CEP250: variants seen among roughly 807,000 people sequenced by gnomAD.
The protein encoded by CEP250 is centrosome-associated protein CEP250.
Under a neutral mutation model 315.7 loss-of-function variants are expected in CEP250, and 242 were observed. The observed-to-expected ratio is 0.77, with a 90% confidence interval of 0.69 to 0.85. CEP250 has a LOEUF of 0.85. Among genes scored for constraint, CEP250 ranks in the 40% least tolerant of loss-of-function variants. The probability of loss-of-function intolerance (pLI) is 0.00; values close to 1 mark genes in which losing one functional copy is unlikely to be tolerated. For synonymous variants in CEP250, 1,088 were observed against 1,175.0 expected, an observed-to-expected ratio of 0.93 and a Z score of 1.51; for missense variants, 2,515 against 2,886.4, an observed-to-expected ratio of 0.87 and a Z score of 2.95.
intron 20 of CEP250, among the ~76,000 whole-genome samples, chr20:35,489,408 G>A (rs528537942): frequency 6.6e-6 from 1 of 152,356 alleles, no homozygotes; most frequent in East Asian, 1.9e-4. Context: ...TGGCTGTTGT[G>A]TATTGCCCGC....
intron 22 of CEP250, among the ~76,000 whole-genome samples, chr20:35,492,738 ATTTG>A (rs1220305059): frequency 6.6e-6 from 1 of 152,090 alleles, no homozygotes; most frequent in Non-Finnish European, 1.5e-5. Context: ...GTATGTATGT[ATTTG>A]TTTGAGACTG....
At chr20:35,468,869 G>T (rs2062956440) in intron 9 of CEP250, among the ~76,000 whole-genome samples, 1 of 152,012 alleles carries the variant, frequency 6.6e-6, no homozygotes, top group East Asian at 1.9e-4. Flanking sequence ...TAGAGACGGG[G>T]TCTCACTATG....
rs142356821 is a variant in CEP250 at position 35,456,044 on chromosome 20, C to T, written c.-298+293C>T. On this transcript the variant is annotated intron_variant, in intron 1 of 34. Transcript: ENST00000397527. ...CCAAGTAGCTGGGATTGCAGGCATG[C>T]GCCACCACACCCGGCTAATTTTATG... Among the ~76,000 whole-genome samples, 9 of 152,154 alleles carry T rather than the reference C, an allele frequency of 5.9e-5. 1 individual carries two copies. The highest frequency in any genetic ancestry group is 5.9e-4 in the Admixed American group (9 of 15,294).
intron 20 of CEP250, among the ~76,000 whole-genome samples, chr20:35,483,089 G>T (rs1214908454): frequency 1.3e-5 from 2 of 151,854 alleles, no homozygotes; most frequent in Non-Finnish European, 2.9e-5. Context: ...GGGAGGCTGA[G>T]GTGGGCGGAT....
chr20:35,492,565 G>A (rs550160848), intron 22 of CEP250, among the ~76,000 whole-genome samples: 1 of 152,326 alleles, frequency 6.6e-6, no homozygotes, highest in South Asian at 2.1e-4. Context: ...AAGGGCCCTG[G>A]GACACAGAAG....
intron 32 of CEP250, 112 bp downstream of exon 32, chr20:35,508,302 C>T: frequency 1.7e-6 from 2 of 1,189,682 alleles, no homozygotes; most frequent in Admixed American, 4.5e-5. Context: ...CTGCCTGTTT[C>T]TGAAAATTAA....
intron 20 of CEP250, among the ~76,000 whole-genome samples, chr20:35,488,183 G>A (rs2063572930): frequency 6.6e-6 from 1 of 152,234 alleles, no homozygotes; most frequent in African/African-American, 2.4e-5. Context: ...AGCTCTTCTT[G>A]TAGCTATAAC....
chr20:35,493,762 G>A (rs1052408479), intron 23 of CEP250, among the ~76,000 whole-genome samples, 190 bp downstream of exon 23: 2 of 152,118 alleles, frequency 1.3e-5, no homozygotes, highest in Non-Finnish European at 2.9e-5. Context: ...AGAGCCCTGG[G>A]ATAGTAATCT....
In CEP250 at chr20:35,504,639, G is replaced by C. The variant is rs751323505; in HGVS notation, c.6270G>C (p.Arg2090Ser). 1.1e-5 allele frequency: 17 copies of C among 1,613,982 alleles called. No homozygotes were observed. In the Admixed American group the frequency reaches 2.0e-4, roughly 19 times the overall value. The change falls in exon 30 of 35, where the codon AGG (arginine) becomes AGC (serine). Residue 2090 changes from arginine (R) to serine (S), a missense_variant. By Grantham distance (110) the Arg-to-Ser change is moderately radical. Coordinates refer to ENST00000397527, the MANE Select transcript of CEP250 (RefSeq NM_007186.6). ...AAGAGAGAGAAGAGGAGGAGATAAG[G>C]GGCCTTCATCAGAGTGTAAGGGAGC... ...LGQEREEEEI[R>S]GLHQSVRELQ...
At chr20:35,488,327 C>T (rs950744827) in intron 20 of CEP250, among the ~76,000 whole-genome samples, 5 of 152,190 alleles carry the variant, frequency 3.3e-5, no homozygotes, top group Admixed American at 2.0e-4. Flanking sequence ...TGAGCTATAC[C>T]CGCTGTCTTT....
intron 5 of CEP250, among the ~76,000 whole-genome samples, chr20:35,464,946 C>T (rs1352336300): frequency 1.3e-5 from 2 of 151,960 alleles, no homozygotes; most frequent in African/African-American, 2.4e-5. Context: ...AAGAAAACGT[C>T]GTAAGTTGAA....
intron 3 of CEP250, among the ~76,000 whole-genome samples, chr20:35,461,313 T>C (rs1485194540): frequency 6.6e-6 from 1 of 152,226 alleles, no homozygotes; most frequent in Non-Finnish European, 1.5e-5. Flanking sequence ...GAGGTCATGA[T>C]ACCCTCATTT....
intron 28 of CEP250, 146 bp from the exon 29 acceptor site, chr20:35,501,698 TC>T (rs2064008238): frequency 1.1e-6 from 1 of 877,094 alleles, no homozygotes; most frequent in Non-Finnish European, 1.7e-6. Context: ...CCTTGATATC[TC>T]TAGGACACTG....
At position 35,497,729 on chromosome 20, in the gene CEP250, T is replaced by G. The variant is rs574203463; in HGVS notation, c.3317T>G (p.Leu1106Arg). Residue 1106 changes from leucine (L) to arginine (R), a missense_variant, in exon 26 of 35, where the codon CTA (leucine) becomes CGA (arginine). Transcript: ENST00000397527. ...ATTCTTCCTTGACAGATGGAATTAC[T>G]AAGGCAAGAGGTGAAGGAAAAGGAG... Reference protein sequence around the residue: ...QKELSAQMELLRQEVKEKEAD... With the variant: ...QKELSAQMELRRQEVKEKEAD... The G allele has an allele frequency of 1.3e-6, 2 of 1,547,878 alleles. 1 individual carries two copies. Among genetic ancestry groups the G allele is most frequent in the African/African-American group, 2.7e-5 (2 of 72,900 alleles).
chr20:35,504,146 A>G lies in CEP250; in HGVS notation c.5777A>G (p.Asp1926Gly). 6.2e-7 allele frequency: 1 copy of G among 1,614,082 alleles called. No individual in the cohort carries two copies. The highest frequency in any genetic ancestry group is 8.5e-7 in the Non-Finnish European group (1 of 1,179,980). ...GAGGTGGAGACCAGGGCCCTGCAGGACAGCTGGCTGCAGGCCCAGGCAGTG... is the reference window on the plus strand; with the variant it reads ...GAGGTGGAGACCAGGGCCCTGCAGGGCAGCTGGCTGCAGGCCCAGGCAGTG... ...EHEVETRALQDSWLQAQAVLK... is the reference protein window; with the variant it reads ...EHEVETRALQGSWLQAQAVLK... The change falls in exon 30 of 35, where the codon GAC becomes GGC. Residue 1926 changes from aspartate (D) to glycine (G), a missense_variant. Transcript: ENST00000397527.
chr20:35,504,433 C>G lies in CEP250; in HGVS notation c.6064C>G (p.Gln2022Glu), dbSNP rs780023881. The part of the protein sequence containing the change: ...SRQLEEALRI[Q>E]EGEIQDQDLR... ...GCAGCTGGAGGAGGCTCTGAGGATACAAGAAGGTGAGATCCAGGACCAGGA... is the reference window on the plus strand; with the variant it reads ...GCAGCTGGAGGAGGCTCTGAGGATAGAAGAAGGTGAGATCCAGGACCAGGA... The change falls in exon 30 of 35, where the codon CAA becomes GAA. Residue 2022 changes from glutamine (Q) to glutamate (E), a missense_variant. Gln to Glu is a conservative substitution (Grantham distance 29). Coordinates refer to ENST00000397527, the MANE Select transcript of CEP250 (RefSeq NM_007186.6). 5.0e-6 allele frequency: 8 copies of G among 1,610,568 alleles called. No individual in the cohort carries two copies. The South Asian group carries it at 7.8e-5, about 16-fold the overall frequency.
At position 35,497,876 on chromosome 20, in the gene CEP250, G is replaced by A. The variant is rs768729732; in HGVS notation, c.3464G>A (p.Arg1155Gln). 1.6e-5 allele frequency: 26 copies of A among 1,600,272 alleles called. No homozygotes were observed. The highest frequency in any genetic ancestry group is 1.2e-4 in the Admixed American group (7 of 57,296). ...QEAKAAQLQL[R>Q]LRSTESQLEA... ...GCCAAGGCAGCCCAACTACAGCTGC[G>A]ACTGCGCAGCACAGAGAGCCAGCTA... The change falls in exon 26 of 35, where the codon CGA (arginine) becomes CAA (glutamine). Residue 1155 changes from arginine (R) to glutamine (Q), a missense_variant. Transcript: ENST00000397527.
rs1568851986 is a variant in CEP250, at chr20:35,511,515, C to A, written c.7218C>A (p.Val2406=). 2 of 1,614,146 alleles carry A rather than the reference C, an allele frequency of 1.2e-6. No homozygotes were observed. The highest frequency in any genetic ancestry group is 1.7e-6 in the Non-Finnish European group (2 of 1,180,030). ...LAVAQAPEAT[V]LEAETRRLDE... is the part of the protein sequence containing the mutation. ...TGGCCCAGGCCCCTGAGGCCACTGT[C>A]CTGGAGGCAGAGACCCGCAGGCTGG... The change falls in exon 35 of 35, where the codon GTC becomes GTA. Residue 2406 remains valine (V), a synonymous_variant. Transcript: ENST00000397527.
intron 20 of CEP250, among the ~76,000 whole-genome samples, chr20:35,483,316 G>A (rs571037434): frequency 1.2e-3 from 170 of 144,690 alleles, no homozygotes; most frequent in African/African-American, 4.4e-3. Flanking sequence ...ACGAAACTCC[G>A]TCTCAAAAAA....
Sources: allele counts gnomAD v4.1 joint callset (sites outside exome capture counted in the v4.1 genomes callset), GRCh38; gene constraint gnomAD v4.1.1; transcripts MANE v1.5; gene names NCBI Gene and HGNC (gene_info 2026-07-23, HGNC 2026-07-21).